FKTN: variants seen among roughly 807,000 people sequenced by gnomAD.
FKTN encodes the protein ribitol-5-phosphate transferase FKTN.
FKTN carries 47 observed loss-of-function variants against 58.6 expected under a neutral mutation model. The observed-to-expected ratio is 0.80, with a 90% CI of 0.63 to 1.02. The LOEUF is 1.02. FKTN is among the 50% of genes least tolerant of loss of function. The pLI, the probability that FKTN is intolerant of heterozygous loss-of-function variation, is 0.00. For missense variants in FKTN, 516 were observed against 537.3 expected (o/e 0.96, Z 0.39); for synonymous variants, 178 against 191.9 (o/e 0.93, Z 0.60).
chr9:105,618,670 C>T (rs1831262827), intron 9 of FKTN, among the ~76,000 whole-genome samples: 1 of 152,156 alleles, frequency 6.6e-6, no homozygotes, highest in South Asian at 2.1e-4. Flanking sequence ...ATGAAATCTC[C>T]CTCTAGACAA....
chr9:105,581,197 C>G (rs1403341033), intron 3 of FKTN, among the ~76,000 whole-genome samples: 1 of 149,552 alleles, frequency 6.7e-6, no homozygotes, highest in African/African-American at 2.5e-5. Context: ...CAGCTTTGTT[C>G]CGTTGCTGGT....
Position 105,601,349 on chromosome 9 carries a change from G to T in FKTN, c.369+1G>T, listed in dbSNP as rs764125009. On this transcript the variant is annotated splice_donor_variant, in intron 5 of 10. Transcript: ENST00000357998. LOFTEE classifies it high-confidence loss of function. ...GCAGTATCACCTATGGAAGAATGAG[G>T]TAAGTGACTTGCTTTCAGATAATGG... is the stretch of plus-strand genomic sequence containing the variant. The T allele has an allele frequency of 6.3e-7, 1 of 1,583,742 alleles. No homozygotes were observed.
chr9:105,577,255 C>T (rs1347293180), intron 3 of FKTN, among the ~76,000 whole-genome samples: 3 of 147,096 alleles, frequency 2.0e-5, no homozygotes, highest in African/African-American at 7.7e-5. Context: ...TGCCTATGTC[C>T]TGAATGGTAA....
intron 10 of FKTN, among the ~76,000 whole-genome samples, chr9:105,623,506 C>T (rs1195727654): frequency 6.6e-6 from 1 of 152,154 alleles, no homozygotes; most frequent in African/African-American, 2.4e-5. Flanking sequence ...ACTACTGCTA[C>T]ATCCTCTAAT....
At chr9:105,577,407 A>G (rs1295382055) in intron 3 of FKTN, among the ~76,000 whole-genome samples, 4 of 141,360 alleles carry the variant, frequency 2.8e-5, no homozygotes, top group Admixed American at 7.0e-5. Context: ...TTTTCCCAGC[A>G]CCATTTATTA....
rs187562253 is a variant in FKTN, at chr9:105,560,828, T to C, written c.-181+2663T>C. Among the ~76,000 whole-genome samples the C allele has an allele frequency of 9.0e-3, 1,375 of 152,186 alleles. 20 individuals carry two copies. Among genetic ancestry groups the C allele is most frequent in the African/African-American group, 0.032 (1,317 of 41,524 alleles). On this transcript the variant is annotated intron_variant, in intron 1 of 10. Transcript: ENST00000357998. ...TGGGGGCCAGGCACGGTGGCTCACG[T>C]CTGTAATCTCAGCACTTTGGGAGGC...
At chr9:105,574,642 G>A (rs936147740) in intron 2 of FKTN, among the ~76,000 whole-genome samples, 21 of 152,064 alleles carry the variant, frequency 1.4e-4, no homozygotes, top group African/African-American at 3.9e-4. Context: ...AAATTCTGAG[G>A]TCTCATACCG....
intron 3 of FKTN, among the ~76,000 whole-genome samples, chr9:105,585,887 G>A (rs778735890): frequency 2.4e-4 from 37 of 152,178 alleles, no homozygotes; most frequent in Non-Finnish European, 4.1e-4. Context: ...AAGATTCTAA[G>A]TCATCCTTGA....
intron 7 of FKTN, among the ~76,000 whole-genome samples, chr9:105,612,782 T>C (rs1391428579): frequency 1.3e-5 from 2 of 151,972 alleles, no homozygotes; most frequent in East Asian, 3.9e-4. Flanking sequence ...CTGGGCAACA[T>C]GGCGAAACCC....
chr9:105,617,934 T>TA lies in FKTN; in HGVS notation c.911-18dup, dbSNP rs757992747. 33 of 1,482,326 alleles carry TA rather than the reference T, an allele frequency of 2.2e-5. No individual in the cohort carries two copies. The highest frequency in any genetic ancestry group is 1.6e-4 in the Admixed American group (9 of 55,358). 91.8% of individuals were successfully genotyped at this position (1,482,326 alleles called of 1,614,324 possible). On this transcript the variant is annotated intron_variant, in intron 8 of 10. Coordinates refer to ENST00000357998, the MANE Select transcript of FKTN (RefSeq NM_001079802.2). ...AATTTTTTCCAAACCTAAATTTTGT[T>TA]AAAAAAATTTAATCTTCTTTTTAGG...
rs182021780 is a variant in FKTN at position 105,636,858 on chromosome 9, C to G, written c.*1594C>G. The G allele has an allele frequency of 8.8e-7, 1 of 1,140,808 alleles. No homozygotes were observed. Among genetic ancestry groups the G allele is most frequent in the African/African-American group, 1.6e-5 (1 of 61,868 alleles). 70.7% of individuals were successfully genotyped at this position (1,140,808 alleles called of 1,614,324 possible). ...GAAAGTAACTTACAACCACCCATTC[C>G]GGATTTGTAAAGCAACATGAAAACC... On this transcript the variant is annotated 3_prime_UTR_variant, in exon 11 of 11. Coordinates refer to ENST00000357998, the MANE Select transcript of FKTN (RefSeq NM_001079802.2).
chr9:105,605,291 A>T (rs1158835675), intron 6 of FKTN, among the ~76,000 whole-genome samples: 2 of 152,122 alleles, frequency 1.3e-5, no homozygotes, highest in African/African-American at 2.4e-5. Context: ...CAGTATATTG[A>T]TTTTTGCTGT....
intron 3 of FKTN, among the ~76,000 whole-genome samples, chr9:105,595,872 AACTT>A (rs956222958): frequency 1.3e-5 from 2 of 152,182 alleles, no homozygotes; most frequent in African/African-American, 2.4e-5. Flanking sequence ...AGGCATAAGA[AACTT>A]ATTTGGATCT....
intron 3 of FKTN, among the ~76,000 whole-genome samples, chr9:105,582,384 C>CG (rs777888302): frequency 9.9e-5 from 15 of 152,118 alleles, no homozygotes; most frequent in Non-Finnish European, 2.2e-4. Flanking sequence ...TTTGTAGAGA[C>CG]GGGGTCTCGC....
At position 105,617,857 on chromosome 9, in the gene FKTN, T is replaced by TA. The variant is rs979836534; in HGVS notation, c.911-93dup. 1.3e-3 allele frequency: 972 copies of TA among 755,548 alleles called. 1 individual carries two copies. The highest frequency in any genetic ancestry group is 2.1e-3 in the South Asian group (114 of 54,566). The allele number at this position is 755,548 out of a possible 1,614,324, so 46.8% of individuals were successfully genotyped here. A position where few individuals can be genotyped will look rare whatever the true frequency, so the allele number is the denominator to read the frequency against. ...GCAATATAGTGAGACTCTGTCTCTT[T>TA]AAAAAAAAAGAAAAAAAATCCTTGT... is the stretch of plus-strand genomic sequence containing the variant. On this transcript the variant is annotated intron_variant, in intron 8 of 10. Transcript: ENST00000357998.
At chr9:105,607,783 C>T (rs201570813) in intron 6 of FKTN, 36 bp from the exon 7 acceptor site, 9 of 1,598,108 alleles carry the variant, frequency 5.6e-6, no homozygotes, top group East Asian at 4.5e-5. Context: ...CTGTTTCCCC[C>T]ACCCCTCATT....
rs1828485095 is a variant in FKTN, at chr9:105,604,409, C to G, written c.564C>G (p.His188Gln). Residue 188 changes from histidine (H) to glutamine (Q), a missense_variant, in exon 6 of 11, where the codon CAC becomes CAG. Transcript: ENST00000357998. ...GTGGCAACTACCTCTGGCACGGCCA[C>G]TTGAGACTTAAAGAACACATTGACA... is the stretch of plus-strand genomic sequence containing the variant. ...ERSGNYLWHGHLRLKEHIDRK... is the reference protein window; with the variant it reads ...ERSGNYLWHGQLRLKEHIDRK... The G allele has an allele frequency of 6.2e-7, 1 of 1,614,076 alleles. No individual in the cohort carries two copies. The highest frequency in any genetic ancestry group is 1.7e-5 in the Admixed American group (1 of 60,016).
chr9:105,625,093 A>G (rs868645629), intron 10 of FKTN, among the ~76,000 whole-genome samples: 2 of 152,252 alleles, frequency 1.3e-5, no homozygotes, highest in Non-Finnish European at 2.9e-5. Context: ...CTGATTAGGA[A>G]GATTCATTGC....
chr9:105,598,401 T>C, intron 4 of FKTN: 1 of 160,838 alleles, frequency 6.2e-6, no homozygotes, highest in Middle Eastern at 3.1e-3. Flanking sequence ...AACAGATGAC[T>C]TGGGAGCACT....
Sources: allele counts gnomAD v4.1 joint callset (sites outside exome capture counted in the v4.1 genomes callset), GRCh38; gene constraint gnomAD v4.1.1; transcripts MANE v1.5; gene names NCBI Gene and HGNC (gene_info 2026-07-23, HGNC 2026-07-21).